NFU1: variants seen among roughly 807,000 people sequenced by gnomAD.
NFU1 encodes NFU1 iron-sulfur cluster scaffold.
Under a neutral mutation model 32.2 loss-of-function variants are expected in NFU1, and 30 were observed. The observed-to-expected ratio is 0.93, with a 90% CI of 0.70 to 1.26. NFU1 has a LOEUF of 1.26. NFU1 is among the 50% of genes most tolerant of loss of function. The pLI, the probability that NFU1 is intolerant of heterozygous loss-of-function variation, is 0.00. For missense variants in NFU1, 306 were observed against 306.6 expected (o/e 1.00, Z 0.02); for synonymous variants, 112 against 104.6 (o/e 1.07, Z -0.43).
chr2:69,432,290 T>C (rs1047263222), intron 1 of NFU1, among the ~76,000 whole-genome samples: 11 of 152,122 alleles, frequency 7.2e-5, no homozygotes, highest in Non-Finnish European at 1.3e-4. Flanking sequence ...AGAAACAGAA[T>C]TGGGCTGGGT....
At chr2:69,437,569 G>GCGC (rs765777658), upstream of NFU1, 21 of 975,462 alleles carry the variant, frequency 2.2e-5, no homozygotes, top group Non-Finnish European at 3.3e-5. Context: ...GGTGGCCTAC[G>GCGC]CGCCGAGGTT....
intron 5 of NFU1, among the ~76,000 whole-genome samples, chr2:69,408,701 C>CAG (rs10641110): frequency 0.67 from 99,808 of 148,188 alleles, 35,139 homozygotes; most frequent in African/African-American, 0.9. Context: ...GCCTGGGTGA[C>CAG]AGTGAAACAC....
intron 2 of NFU1, among the ~76,000 whole-genome samples, chr2:69,425,508 C>T (rs1673423400): frequency 6.6e-6 from 1 of 151,870 alleles, no homozygotes; most frequent in African/African-American, 2.4e-5. Context: ...GCATGCACCA[C>T]CATGCCCGGC....
chr2:69,429,107 A>C (rs1295017263), intron 2 of NFU1, among the ~76,000 whole-genome samples: 1 of 152,198 alleles, frequency 6.6e-6, no homozygotes, highest in Admixed American at 6.5e-5. Flanking sequence ...TCTGTGTTAT[A>C]AGGGAATGAT....
At chr2:69,411,187 A>T (rs1025005584) in intron 5 of NFU1, 7 of 152,274 alleles carry the variant, frequency 4.6e-5, no homozygotes, top group African/African-American at 1.7e-4. Context: ...AGAAAAACAA[A>T]TCCCACAGTG....
In NFU1 at chr2:69,401,484, T is replaced by C. The variant is rs1314395508; in HGVS notation, c.546-946A>G. Among the ~76,000 whole-genome samples, 3 of 152,230 alleles carry C rather than the reference T, an allele frequency of 2.0e-5. No individual in the cohort carries two copies. In the South Asian group the frequency reaches 6.2e-4, roughly 31 times the overall value. On this transcript the variant is annotated intron_variant, in intron 6 of 7. Coordinates refer to ENST00000410022, the MANE Select transcript of NFU1 (RefSeq NM_001002755.4). ...TGCATAGTATTCCATTAAGCAAATATACCAGAATTTATTTATCCATTCTAC... is the reference window on the plus strand; with the variant it reads ...TGCATAGTATTCCATTAAGCAAATACACCAGAATTTATTTATCCATTCTAC...
intron 6 of NFU1, 103 bp downstream of exon 6, chr2:69,405,919 A>C: frequency 1.3e-6 from 1 of 782,708 alleles, no homozygotes; most frequent in South Asian, 1.4e-5. Context: ...ACTTGCACTT[A>C]TTTTGAAAAT....
At chr2:69,416,040 AG>A (rs1460120634) in intron 4 of NFU1, 2 of 151,918 alleles carry the variant, frequency 1.3e-5, no homozygotes, top group African/African-American at 4.8e-5. Flanking sequence ...GAAAGGAGGA[AG>A]GAAGGCAAGC....
At chr2:69,429,799 C>A in intron 2 of NFU1, 1 of 154,828 alleles carries the variant, frequency 6.5e-6, no homozygotes, top group Non-Finnish European at 1.4e-5. Flanking sequence ...GAGGCTGAGC[C>A]AGGCAGGTTA....
chr2:69,436,869 G>GA (rs1487291445), intron 1 of NFU1, among the ~76,000 whole-genome samples: 1 of 150,692 alleles, frequency 6.6e-6, no homozygotes, highest in African/African-American at 2.4e-5. Context: ...GTTCTCGTCG[G>GA]AATTCCATCA....
At chr2:69,427,989 G>T (rs371748713) in intron 2 of NFU1, among the ~76,000 whole-genome samples, 4 of 151,726 alleles carry the variant, frequency 2.6e-5, no homozygotes, top group African/African-American at 9.7e-5. Flanking sequence ...CGCCATTACA[G>T]TCCAGCCTGG....
rs767315359 is a variant in NFU1, at chr2:69,437,411, C to T, written c.12G>A (p.Thr4=). Residue 4 remains threonine, a synonymous_variant, in exon 1 of 8, where the codon ACG becomes ACA. Coordinates refer to ENST00000410022, the MANE Select transcript of NFU1 (RefSeq NM_001002755.4). ...CCGCAGCTCCCCAGCCCCGCCTGGC[C>T]GTCGCCGCCATCTTAGTCCGGAGTG... MAA[T]ARRGWGAAAV... is the part of the protein sequence containing the mutation. 4.0e-5 allele frequency: 64 copies of T among 1,610,560 alleles called. No individual in the cohort carries two copies. Among genetic ancestry groups the T allele is most frequent in the Non-Finnish European group, 5.3e-5 (63 of 1,179,572 alleles).
chr2:69,437,902 T>C (rs1271981687), upstream of NFU1, among the ~76,000 whole-genome samples: 3 of 152,160 alleles, frequency 2.0e-5, no homozygotes, highest in Admixed American at 6.5e-5. Context: ...TGTGGAACTG[T>C]GTCTAACCCT....
At chr2:69,421,196 A>G (rs992938737) in intron 3 of NFU1, among the ~76,000 whole-genome samples, 1 of 152,140 alleles carries the variant, frequency 6.6e-6, no homozygotes, top group Non-Finnish European at 1.5e-5. Flanking sequence ...CTGGGCAACA[A>G]AAGTGAAACC....
intron 5 of NFU1, among the ~76,000 whole-genome samples, chr2:69,410,205 A>G (rs1463502344): frequency 1.3e-5 from 2 of 152,160 alleles, no homozygotes; most frequent in Middle Eastern, 3.2e-3. Flanking sequence ...CCTGGCCAAC[A>G]TGGTGAAACC....
chr2:69,405,683 A>G (rs909058981), intron 6 of NFU1, among the ~76,000 whole-genome samples: 7 of 152,234 alleles, frequency 4.6e-5, no homozygotes, highest in African/African-American at 1.7e-4. Flanking sequence ...TACTGAAAAT[A>G]GGTACTCATT....
Position 69,437,342 on chromosome 2 carries a change from C to G in NFU1, c.62+19G>C. ...AGCCCAGCGGCACACCTATTCGGAGCTCCAGGCTCGTCACCTACCGCCTGC... is the reference window on the plus strand; with the variant it reads ...AGCCCAGCGGCACACCTATTCGGAGGTCCAGGCTCGTCACCTACCGCCTGC... On this transcript the variant is annotated intron_variant, in intron 1 of 7. Transcript: ENST00000410022. The G allele has an allele frequency of 6.2e-7, 1 of 1,603,202 alleles. No homozygotes were observed. The highest frequency in any genetic ancestry group is 8.5e-7 in the Non-Finnish European group (1 of 1,176,672).
chr2:69,435,934 T>C (rs1268726940), intron 1 of NFU1, among the ~76,000 whole-genome samples: 2 of 149,692 alleles, frequency 1.3e-5, no homozygotes, highest in Admixed American at 1.3e-4. Flanking sequence ...TTTTTTTTTT[T>C]AGTTTCACCA....
rs372909563 is a variant in NFU1, at chr2:69,414,066, A to C, written c.484+1119T>G. Among the ~76,000 whole-genome samples, 10 of 152,140 alleles carry C rather than the reference A, an allele frequency of 6.6e-5. No homozygotes were observed. In the East Asian group the frequency reaches 1.9e-3, roughly 29 times the overall value. On this transcript the variant is annotated intron_variant, in intron 5 of 7. Transcript: ENST00000410022. ...TGTCTCCAAAAATAAATAAATAAAA[A>C]TAAATAAACAAATAAATAAAGAAGC...
Sources: gnomAD v4.1 joint callset for allele counts (sites outside exome capture counted in the v4.1 genomes callset) on GRCh38, gnomAD v4.1.1 for gene constraint, MANE v1.5 for transcripts, NCBI Gene and HGNC (gene_info 2026-07-23, HGNC 2026-07-21) for gene names.